The following SPAG16 variants were observed in gnomAD, a reference collection of about 807,000 sequenced individuals.
SPAG16 encodes the protein sperm associated antigen 16.
In SPAG16, 86 loss-of-function variants were observed where a neutral mutation model predicts 80.4. That is an observed-to-expected ratio of 1.07 (90% CI 0.90 to 1.28). The LOEUF is 1.28. SPAG16 is among the 50% of genes most tolerant of loss of function. The pLI is 0.00. For missense variants in SPAG16, 870 were observed against 765.3 expected, an observed-to-expected ratio of 1.14 and a Z score of -1.61; for synonymous variants, 294 against 265.9, an observed-to-expected ratio of 1.11 and a Z score of -1.03.
intron 10 of SPAG16, among the ~76,000 whole-genome samples, chr2:213,819,128 T>C (rs2072768081): frequency 6.6e-6 from 1 of 152,196 alleles, no homozygotes; most frequent in Admixed American, 6.5e-5. Flanking sequence ...AAAATAGAGC[T>C]CCAAAATGTG....
chr2:213,961,454 C>T lies in SPAG16; in HGVS notation c.1400+31309C>T, dbSNP rs112052547. 5.2e-3 allele frequency among the ~76,000 whole-genome samples: 785 copies of T among 152,028 alleles called. 5 individuals are homozygous for T. The highest frequency in any genetic ancestry group is 0.018 in the African/African-American group (744 of 41,500). ...CAATGTTGAATAGAAGTGATTAGAT[C>T]GGCCATCTTTGTCTTGCTCCTTATT... is the stretch of plus-strand genomic sequence containing the variant. On this transcript the variant is annotated intron_variant, in intron 12 of 15. Coordinates refer to ENST00000331683, the MANE Select transcript of SPAG16 (RefSeq NM_024532.5).
chr2:214,127,697 A>C (rs1294406862), intron 14 of SPAG16, among the ~76,000 whole-genome samples: 2 of 151,904 alleles, frequency 1.3e-5, no homozygotes, highest in African/African-American at 2.4e-5. Context: ...ATCTAGAATC[A>C]TGTCTTACCC....
chr2:213,956,155 C>T (rs2044120696), intron 12 of SPAG16, among the ~76,000 whole-genome samples: 1 of 151,758 alleles, frequency 6.6e-6, no homozygotes, highest in Admixed American at 6.6e-5. Context: ...GGGGTTTCAC[C>T]ATTTTGGCCA....
intron 8 of SPAG16, among the ~76,000 whole-genome samples, chr2:213,369,350 G>T (rs1005394471): frequency 4.6e-5 from 7 of 152,096 alleles, no homozygotes; most frequent in Admixed American, 1.3e-4. Context: ...TTCCTCAGAA[G>T]AAAAGTGACT....
At chr2:214,072,044 T>A (rs1389357910) in intron 13 of SPAG16, among the ~76,000 whole-genome samples, 2 of 152,118 alleles carry the variant, frequency 1.3e-5, no homozygotes, top group African/African-American at 2.4e-5. Context: ...AGTCACAAAT[T>A]GAACTTTTTT....
At chr2:213,833,431 A>G (rs551345205) in intron 10 of SPAG16, among the ~76,000 whole-genome samples, 61 of 29,810 alleles carry the variant, frequency 2.0e-3, no homozygotes, top group African/African-American at 6.4e-3. Context: ...GTATCTATGT[A>G]TGTGTGTGTG....
intron 12 of SPAG16, 69 bp downstream of exon 12, chr2:213,930,214 C>A (rs910815422): frequency 9.3e-6 from 9 of 966,664 alleles, no homozygotes; most frequent in Non-Finnish European, 1.1e-5. Context: ...TGGTAAAGTT[C>A]TTTTTTTTTT....
At chr2:214,064,023 C>T (rs1315346014) in intron 13 of SPAG16, among the ~76,000 whole-genome samples, 2 of 152,020 alleles carry the variant, frequency 1.3e-5, no homozygotes, top group Non-Finnish European at 2.9e-5. Flanking sequence ...GCTCTCATTC[C>T]AACAACCTAG....
intron 10 of SPAG16, among the ~76,000 whole-genome samples, chr2:213,540,453 C>T (rs1297751975): frequency 3.3e-5 from 5 of 152,172 alleles, no homozygotes; most frequent in Non-Finnish European, 7.4e-5. Flanking sequence ...ACATTTATTA[C>T]ATAATTATCA....
At chr2:213,652,155 T>C (rs2063047837) in intron 10 of SPAG16, among the ~76,000 whole-genome samples, 1 of 152,224 alleles carries the variant, frequency 6.6e-6, no homozygotes, top group South Asian at 2.1e-4. Context: ...GGTATACTAC[T>C]TAACTGCTCT....
intron 12 of SPAG16, among the ~76,000 whole-genome samples, chr2:213,988,636 T>C (rs1455972780): frequency 1.3e-5 from 2 of 151,850 alleles, no homozygotes; most frequent in Non-Finnish European, 2.9e-5. Flanking sequence ...TGTTTCTATA[T>C]ACTAGCCATG....
At chr2:213,893,554 C>G (rs1380234301) in intron 11 of SPAG16, among the ~76,000 whole-genome samples, 1 of 152,038 alleles carries the variant, frequency 6.6e-6, no homozygotes, top group African/African-American at 2.4e-5. Flanking sequence ...TAAACTAACA[C>G]AACAAAGAGC....
At chr2:213,368,527 C>A (rs928133214) in intron 8 of SPAG16, among the ~76,000 whole-genome samples, 3 of 152,138 alleles carry the variant, frequency 2.0e-5, no homozygotes, top group African/African-American at 7.2e-5. Flanking sequence ...CCCTCTCTCA[C>A]CACTCCTATT....
intron 11 of SPAG16, 70 bp downstream of exon 11, chr2:213,862,698 C>T (rs1292523243): frequency 2.6e-6 from 4 of 1,527,844 alleles, no homozygotes; most frequent in Non-Finnish European, 3.6e-6. Flanking sequence ...TGTCTGCTCA[C>T]TCTGCTGTCT....
At chr2:213,675,735 A>G (rs867091161) in intron 10 of SPAG16, among the ~76,000 whole-genome samples, 7 of 152,064 alleles carry the variant, frequency 4.6e-5, no homozygotes, top group Non-Finnish European at 4.4e-5. Context: ...GTTCTGTTCC[A>G]TTGATCTATA....
At chr2:214,062,326 G>A (rs1030381442) in intron 13 of SPAG16, among the ~76,000 whole-genome samples, 9 of 149,824 alleles carry the variant, frequency 6.0e-5, no homozygotes, top group African/African-American at 1.5e-4. Flanking sequence ...GGCTGAGGCA[G>A]GAGAATCTCT....
chr2:213,486,253 C>T (rs1169378766), intron 9 of SPAG16, among the ~76,000 whole-genome samples: 1 of 152,074 alleles, frequency 6.6e-6, no homozygotes, highest in East Asian at 1.9e-4. Context: ...CTTCAGTAAC[C>T]ACCAATCAAT....
At chr2:213,786,272 C>T (rs2070337825) in intron 10 of SPAG16, among the ~76,000 whole-genome samples, 1 of 152,052 alleles carries the variant, frequency 6.6e-6, no homozygotes, top group South Asian at 2.1e-4. Flanking sequence ...TATGGGAGCT[C>T]CGTGGTAGAA....
intron 10 of SPAG16, among the ~76,000 whole-genome samples, chr2:213,791,442 A>G (rs1236279246): frequency 6.6e-6 from 1 of 152,136 alleles, no homozygotes; most frequent in African/African-American, 2.4e-5. Flanking sequence ...AAAATGGTAC[A>G]TCAGATTCAA....
Sources: gnomAD v4.1 joint callset for allele counts (sites outside exome capture counted in the v4.1 genomes callset) on GRCh38, gnomAD v4.1.1 for gene constraint, MANE v1.5 for transcripts, NCBI Gene and HGNC (gene_info 2026-07-23, HGNC 2026-07-21) for gene names.